The following CAMTA2 variants were observed in gnomAD, a reference collection of about 807,000 sequenced individuals.
CAMTA2 encodes calmodulin binding transcription activator 2.
A neutral mutation model predicts 135.7 loss-of-function variants in CAMTA2; 56 were observed. The ratio of observed to expected loss-of-function variants is 0.41; its 90% confidence interval spans 0.33 to 0.52. The LOEUF is 0.52. CAMTA2 is among the 20% of genes least tolerant of loss of function. The pLI is 0.16. For missense variants in CAMTA2, 1,358 were observed against 1,553.4 expected, an observed-to-expected ratio of 0.87 and a Z score of 2.11; for synonymous variants, 591 against 604.6, an observed-to-expected ratio of 0.98 and a Z score of 0.33.
Position 4,968,701 on chromosome 17 carries a change from C to T in CAMTA2, c.*55G>A, listed in dbSNP as rs1312895789. ...CTCCCCCTGCCCCAGAAAGCCCTCT[C>T]CCTGTTAAGACTGCACGAGGCGCCC... On this transcript the variant is annotated 3_prime_UTR_variant, in exon 23 of 23. Transcript: ENST00000348066. 6.2e-7 allele frequency: 1 copy of T among 1,607,454 alleles called. No homozygotes were observed. Among genetic ancestry groups the T allele is most frequent in the South Asian group, 1.1e-5 (1 of 91,002 alleles).
intron 16 of CAMTA2, 101 bp downstream of exon 16, chr17:4,972,131 T>A: frequency 9.8e-7 from 1 of 1,023,424 alleles, no homozygotes; most frequent in Non-Finnish European, 1.5e-6. Context: ...AAATAGGCCC[T>A]TCCTAAACTG....
At chr17:4,985,042 C>T (rs1019395182) in intron 3 of CAMTA2, among the ~76,000 whole-genome samples, 52 of 149,798 alleles carry the variant, frequency 3.5e-4, no homozygotes, top group Non-Finnish European at 5.3e-4. Flanking sequence ...AAAAATTAGC[C>T]GGGCGTGGAG....
intron 1 of CAMTA2, 54 bp downstream of exon 1, chr17:4,987,539 G>C: frequency 6.7e-7 from 1 of 1,482,164 alleles, no homozygotes; most frequent in Non-Finnish European, 9.0e-7. Context: ...ACCTGGAGGA[G>C]CTGCGCCCTC....
At chr17:4,985,849 T>C in intron 3 of CAMTA2, 31 bp downstream of exon 3, 1 of 1,468,538 alleles carries the variant, frequency 6.8e-7, no homozygotes, top group Non-Finnish European at 9.5e-7. Flanking sequence ...TAGGTCTTGC[T>C]GGGCCCCAAC....
rs773015444 is a variant in CAMTA2, at chr17:4,979,667, G to A, written c.1638+17C>T. 9.6e-6 allele frequency: 15 copies of A among 1,563,082 alleles called. 1 individual carries two copies. In the South Asian group the frequency reaches 1.6e-4, roughly 16 times the overall value. On this transcript the variant is annotated intron_variant, in intron 9 of 22. Coordinates refer to ENST00000348066, the MANE Select transcript of CAMTA2 (RefSeq NM_015099.4). ...ACAAATAGGAGGGAGGAGGGAGGAG[G>A]TAAGCCTGAGTCTCACCTCTGGGTA...
At chr17:4,987,438 C>T (rs1973429407) in intron 1 of CAMTA2, 155 bp downstream of exon 1, 1 of 1,382,740 alleles carries the variant, frequency 7.2e-7, no homozygotes, top group East Asian at 2.9e-5. Context: ...GTGAGCGGCG[C>T]CCCCTGGCGC....
rs576634634 is a variant in CAMTA2 at position 4,981,534 on chromosome 17, C to A, written c.565+144G>T. On this transcript the variant is annotated intron_variant, in intron 7 of 22. Coordinates refer to ENST00000348066, the MANE Select transcript of CAMTA2 (RefSeq NM_015099.4). ...TAGTCCTTTCTCCGTATTCTAATAC[C>A]TGAGAACACACCGGGAATCCTAGCA... The A allele has an allele frequency of 4.0e-6, 5 of 1,253,148 alleles. No individual in the cohort carries two copies. The East Asian group carries it at 9.4e-5, about 24-fold the overall frequency. The allele number at this position is 1,253,148 out of a possible 1,614,324, so 77.6% of individuals were successfully genotyped here. A position where few individuals can be genotyped will look rare whatever the true frequency, so the allele number is the denominator to read the frequency against.
chr17:4,968,691 A>G lies in CAMTA2; in HGVS notation c.*65T>C, dbSNP rs765548362. 6.3e-7 allele frequency: 1 copy of G among 1,592,718 alleles called. No individual in the cohort carries two copies. Among genetic ancestry groups the G allele is most frequent in the South Asian group, 1.1e-5 (1 of 90,672 alleles). Reference sequence around the variant, plus strand: ...CCGACAGGGGCTCCCCCTGCCCCAGAAAGCCCTCTCCCTGTTAAGACTGCA... The same window carrying G: ...CCGACAGGGGCTCCCCCTGCCCCAGGAAGCCCTCTCCCTGTTAAGACTGCA... On this transcript the variant is annotated 3_prime_UTR_variant, in exon 23 of 23. Coordinates refer to ENST00000348066, the MANE Select transcript of CAMTA2 (RefSeq NM_015099.4).
chr17:4,974,141 T>G (rs1017814628), intron 12 of CAMTA2: 3 of 544,110 alleles, frequency 5.5e-6, no homozygotes, highest in Admixed American at 3.2e-5. Context: ...CCCCGCCCTC[T>G]CCTTCACCTC....
intron 2 of CAMTA2, 33 bp downstream of exon 2, chr17:4,986,159 T>C (rs111446942): frequency 7.7e-7 from 1 of 1,296,008 alleles, no homozygotes; most frequent in Non-Finnish European, 1.1e-6. Context: ...CGAAAGGCTG[T>C]GGCCACATTG....
Position 4,968,978 on chromosome 17 carries a change from G to C in CAMTA2, c.3474C>G (p.Gly1158=). ...TSATLPARNK[G]SFLTKKQDQA... ...GGTCCTGCTTCTTGGTGAGAAAGGA[G>C]CCTCTGGTGAAAGAAACAAAAGATG... Residue 1158 remains glycine, a synonymous_variant, in exon 22 of 23, where the codon GGC becomes GGG. Coordinates refer to ENST00000348066, the MANE Select transcript of CAMTA2 (RefSeq NM_015099.4). The C allele has an allele frequency of 6.2e-7, 1 of 1,614,032 alleles. No individual in the cohort carries two copies.
intron 16 of CAMTA2, among the ~76,000 whole-genome samples, chr17:4,971,277 T>G (rs1336281609): frequency 1.3e-5 from 2 of 152,234 alleles, no homozygotes; most frequent in Non-Finnish European, 2.9e-5. Context: ...CTCCGTCATC[T>G]TGGTTCTCCT....
At chr17:4,973,277 G>A in intron 13 of CAMTA2, 24 bp from the exon 14 acceptor site, 1 of 1,590,940 alleles carries the variant, frequency 6.3e-7, no homozygotes, top group African/African-American at 1.3e-5. Context: ...GAGAGAGACA[G>A]CAGAGCCCAA....
chr17:4,983,144 G>A, intron 3 of CAMTA2, 101 bp from the exon 4 acceptor site: 1 of 986,060 alleles, frequency 1.0e-6, no homozygotes, highest in Non-Finnish European at 1.6e-6. Flanking sequence ...CTGAGTTCTG[G>A]CAGCTAGTGG....
chr17:4,978,113 C>A (rs1972730258), intron 10 of CAMTA2, among the ~76,000 whole-genome samples: 1 of 152,208 alleles, frequency 6.6e-6, no homozygotes. Context: ...TTAGAGGAAA[C>A]CCACATTTCT....
intron 16 of CAMTA2, among the ~76,000 whole-genome samples, chr17:4,971,526 G>A (rs1972283265): frequency 6.6e-6 from 1 of 152,052 alleles, no homozygotes; most frequent in South Asian, 2.1e-4. Context: ...ATTATTTTGT[G>A]TAGAGATGGG....
At position 4,969,327 on chromosome 17, in the gene CAMTA2, T is replaced by C. The variant is rs1292933896; in HGVS notation, c.3293A>G (p.Tyr1098Cys). ...GATGGCCGCCTGGGTCATCTTCTTA[T>C]AGAGTGCAAACTGCAGGGGTGGGGA... Reference protein sequence around the residue: ...LTWIALKFALYKKMTQAAILI... With the variant: ...LTWIALKFALCKKMTQAAILI... Residue 1098 changes from tyrosine (Y) to cysteine (C), a missense_variant, in exon 21 of 23, where the codon TAT (tyrosine) becomes TGT (cysteine). Tyr to Cys is a radical substitution (Grantham distance 194, BLOSUM62 -2). Transcript: ENST00000348066. This position sits in a 1 kb window ranked among gnomAD's most constrained non-coding sequence, Gnocchi z 5.6. The C allele has an allele frequency of 6.2e-7, 1 of 1,613,542 alleles. No homozygotes were observed. The highest frequency in any genetic ancestry group is 8.5e-7 in the Non-Finnish European group (1 of 1,179,858).
intron 5 of CAMTA2, 137 bp downstream of exon 5, chr17:4,982,620 A>G (rs78055500): frequency 2.1e-6 from 2 of 963,814 alleles, no homozygotes; most frequent in South Asian, 1.6e-5. Context: ...CAGCCGACCC[A>G]AAGTGAGTGA....
In CAMTA2 at chr17:4,980,260, C is replaced by T; in HGVS notation, c.1062G>A (p.Met354Ile). The change falls in exon 9 of 23, where the codon ATG becomes ATA. Residue 354 changes from methionine (M) to isoleucine (I), a missense_variant. Physicochemically the swap from Met to Ile is conservative, Grantham distance 10 (BLOSUM62 1). Transcript: ENST00000348066. This position sits in a 1 kb window ranked among gnomAD's most constrained non-coding sequence, Gnocchi z 5.3. ...LAPQADPRPS[M>I]SLAVVVGTEP... is the part of the protein sequence containing the mutation. ...CAGTGCCTACAACCACTGCCAAACT[C>T]ATGGAAGGCCTAGGATCAGCCTGTG... 6.3e-7 allele frequency: 1 copy of T among 1,592,678 alleles called. No individual in the cohort carries two copies. Among genetic ancestry groups the T allele is most frequent in the South Asian group, 1.1e-5 (1 of 88,474 alleles).
Sources: allele counts gnomAD v4.1 joint callset (sites outside exome capture counted in the v4.1 genomes callset), GRCh38; gene constraint gnomAD v4.1.1; non-coding constraint Gnocchi (gnomAD v3.1); transcripts MANE v1.5; gene names NCBI Gene and HGNC (gene_info 2026-07-23, HGNC 2026-07-21).